PRKG1: variants seen among roughly 807,000 people sequenced by gnomAD.
PRKG1 encodes cGMP-dependent protein kinase 1.
Under a neutral mutation model 88.1 loss-of-function variants are expected in PRKG1, and 35 were observed. The observed-to-expected ratio is 0.40, with a 90% CI of 0.30 to 0.53. The LOEUF (loss-of-function observed/expected upper bound fraction) is 0.53. Ranked by LOEUF, PRKG1 falls within the 20% of genes least tolerant of loss-of-function variation. The pLI, the probability that PRKG1 is intolerant of heterozygous loss-of-function variation, is 0.59. For synonymous variants in PRKG1, 303 were observed against 292.5 expected, an observed-to-expected ratio of 1.04 and a Z score of -0.37; for missense variants, 540 against 839.8, an observed-to-expected ratio of 0.64 and a Z score of 4.41.
chr10:51,713,123 T>C lies in PRKG1; in HGVS notation c.593-91462T>C, dbSNP rs7900577. 6.1e-3 allele frequency among the ~76,000 whole-genome samples: 923 copies of C among 152,334 alleles called. 14 individuals are homozygous for C. The highest frequency in any genetic ancestry group is 0.021 in the African/African-American group (871 of 41,564). ...ATTAACTCCTAAAAGTTCTGCTTTA[T>C]ATTTTTCTGCACTTAGAATACATGT... On this transcript the variant is annotated intron_variant, in intron 3 of 17. Coordinates refer to ENST00000373980, the MANE Select transcript of PRKG1 (RefSeq NM_006258.4).
intron 3 of PRKG1, among the ~76,000 whole-genome samples, chr10:51,666,233 T>C (rs1260135669): frequency 6.6e-6 from 1 of 152,212 alleles, no homozygotes; most frequent in Non-Finnish European, 1.5e-5. Flanking sequence ...GCACAATCTC[T>C]GCTGCTAAAA....
chr10:51,883,257 C>G (rs1841481518), intron 4 of PRKG1, among the ~76,000 whole-genome samples: 1 of 152,234 alleles, frequency 6.6e-6, no homozygotes, highest in Non-Finnish European at 1.5e-5. Context: ...ACACCACCAT[C>G]TTTCTGGCTT....
chr10:51,776,396 A>T (rs1838436930), intron 3 of PRKG1, among the ~76,000 whole-genome samples: 2 of 152,170 alleles, frequency 1.3e-5, no homozygotes, highest in South Asian at 4.1e-4. Flanking sequence ...TAGTTATTAG[A>T]ATCAGAGGTT....
At chr10:51,769,961 T>C (rs1443334709) in intron 3 of PRKG1, among the ~76,000 whole-genome samples, 1 of 152,254 alleles carries the variant, frequency 6.6e-6, no homozygotes, top group Non-Finnish European at 1.5e-5. Flanking sequence ...ATGTGGCCTA[T>C]GGGCCGTGTG....
intron 14 of PRKG1, among the ~76,000 whole-genome samples, chr10:52,287,991 T>C (rs1842158974): frequency 6.6e-6 from 1 of 152,046 alleles, no homozygotes; most frequent in Non-Finnish European, 1.5e-5. Context: ...AAAAGATAAT[T>C]ACAAAGTACA....
chr10:52,149,057 A>G (rs866811293), intron 8 of PRKG1, among the ~76,000 whole-genome samples: 1 of 150,534 alleles, frequency 6.6e-6, no homozygotes, highest in Non-Finnish European at 1.5e-5. Context: ...ACAATAAGAA[A>G]GATTGTAATT....
intron 3 of PRKG1, among the ~76,000 whole-genome samples, chr10:51,684,626 T>C (rs2132377395): frequency 6.6e-6 from 1 of 152,152 alleles, no homozygotes; most frequent in Middle Eastern, 3.4e-3. Context: ...TCCCAGCACT[T>C]TGGGAGGCCG....
chr10:51,055,088 C>A (rs929444230), intron 1 of PRKG1, among the ~76,000 whole-genome samples: 45 of 152,192 alleles, frequency 3.0e-4, no homozygotes, highest in African/African-American at 1.0e-3. Context: ...AATACACACA[C>A]TTCCCAAGAG....
intron 3 of PRKG1, among the ~76,000 whole-genome samples, chr10:51,504,862 A>G (rs1342440303): frequency 6.6e-6 from 1 of 152,156 alleles, no homozygotes; most frequent in Non-Finnish European, 1.5e-5. Flanking sequence ...CAGCCTAAGG[A>G]GATGTTGGGC....
intron 5 of PRKG1, among the ~76,000 whole-genome samples, chr10:51,985,789 G>A (rs1255570640): frequency 1.3e-5 from 2 of 152,084 alleles, no homozygotes; most frequent in East Asian, 1.9e-4. Flanking sequence ...TGGATGCCAG[G>A]TGTCTTAGTC....
intron 5 of PRKG1, among the ~76,000 whole-genome samples, chr10:52,032,139 T>G (rs559776786): frequency 6.6e-6 from 1 of 152,336 alleles, no homozygotes; most frequent in African/African-American, 2.4e-5. Flanking sequence ...TAGAAATGAG[T>G]ACACTGTAAT....
At chr10:51,735,635 T>A (rs1018330574) in intron 3 of PRKG1, among the ~76,000 whole-genome samples, 3 of 152,076 alleles carry the variant, frequency 2.0e-5, no homozygotes, top group African/African-American at 7.2e-5. Context: ...TAAAATGGCA[T>A]AAATTTGCCC....
At chr10:52,122,974 AC>A (rs1847854429) in intron 7 of PRKG1, among the ~76,000 whole-genome samples, 1 of 152,230 alleles carries the variant, frequency 6.6e-6, no homozygotes, top group South Asian at 2.1e-4. Flanking sequence ...CACTGCAATT[AC>A]TTTTTCTTCC....
At chr10:51,699,439 C>T (rs1458894523) in intron 3 of PRKG1, 1 of 1,613,944 alleles carries the variant, frequency 6.2e-7, no homozygotes, top group Non-Finnish European at 8.5e-7. Context: ...AACCAACCTC[C>T]GAGAAAATGT....
intron 3 of PRKG1, among the ~76,000 whole-genome samples, chr10:51,703,667 A>G (rs760714735): frequency 2.6e-5 from 4 of 152,186 alleles, no homozygotes; most frequent in Non-Finnish European, 4.4e-5. Flanking sequence ...CCAGAAAAGA[A>G]GGTCTGTAAA....
chr10:51,996,718 AG>A (rs1844452646), intron 5 of PRKG1, among the ~76,000 whole-genome samples: 1 of 152,200 alleles, frequency 6.6e-6, no homozygotes, highest in African/African-American at 2.4e-5. Context: ...TGTGAAAAAA[AG>A]TATGGAAGTT....
chr10:51,924,388 T>C (rs1842527117), intron 5 of PRKG1, among the ~76,000 whole-genome samples: 1 of 152,144 alleles, frequency 6.6e-6, no homozygotes, highest in South Asian at 2.1e-4. Flanking sequence ...ATGGTTTTTG[T>C]AGAGAAGACT....
At chr10:52,132,465 AAAC>A (rs1436648166) in intron 7 of PRKG1, among the ~76,000 whole-genome samples, 2 of 152,278 alleles carry the variant, frequency 1.3e-5, no homozygotes, top group East Asian at 3.9e-4. Context: ...ATTGTAATCT[AAAC>A]AGCATGGTAT....
At chr10:51,459,669 A>T (rs142976268) in intron 2 of PRKG1, among the ~76,000 whole-genome samples, 1 of 152,208 alleles carries the variant, frequency 6.6e-6, no homozygotes, top group Non-Finnish European at 1.5e-5. Context: ...TAGATAAGTT[A>T]TCTAAGTTTC....
Sources: allele counts gnomAD v4.1 joint callset (sites outside exome capture counted in the v4.1 genomes callset), GRCh38; gene constraint gnomAD v4.1.1; transcripts MANE v1.5; gene names NCBI Gene and HGNC (gene_info 2026-07-23, HGNC 2026-07-21).